Variants in MPPE1 observed in about 807,000 individuals in gnomAD.
MPPE1 encodes the protein metallo phosphoesterase.
In MPPE1, 28 loss-of-function variants were observed where a neutral mutation model predicts 43.8. The observed-to-expected ratio is 0.64, with a 90% CI of 0.47 to 0.88. The LOEUF (loss-of-function observed/expected upper bound fraction) is 0.88. MPPE1 is among the 40% of genes least tolerant of loss of function. The pLI is 0.00. For synonymous variants in MPPE1, 159 were observed against 188.5 expected, an observed-to-expected ratio of 0.84 and a Z score of 1.28; for missense variants, 428 against 492.2, an observed-to-expected ratio of 0.87 and a Z score of 1.23.
chr18:11,890,499 AG>A (rs557319388), intron 4 of MPPE1, among the ~76,000 whole-genome samples: 415 of 151,992 alleles, frequency 2.7e-3, no homozygotes, highest in African/African-American at 9.4e-3. Context: ...TAGTAGACAC[AG>A]GGTTTCGCCA....
In MPPE1 at chr18:11,882,778, A is replaced by ACAT. The variant is rs1341451214; in HGVS notation, c.*1664_*1666dup. 1.3e-5 allele frequency: 2 copies of ACAT among 152,142 alleles called. No individual in the cohort carries two copies. The highest frequency in any genetic ancestry group is 4.8e-5 in the African/African-American group (2 of 41,420). The allele number at this position is 152,142 out of a possible 1,614,324, so 9.4% of individuals were successfully genotyped here. A position where few individuals can be genotyped will look rare whatever the true frequency, so the allele number is the denominator to read the frequency against. On this transcript the variant is annotated 3_prime_UTR_variant, in exon 11 of 11. Coordinates refer to ENST00000588072, the MANE Select transcript of MPPE1 (RefSeq NM_023075.6). The stretch of plus-strand genomic sequence containing the variant: ...GCTTCACTTGCCTTTTGAAGAAGAA[A>ACAT]CATTACAAAACCTTAATCTGAAGTA...
intron 3 of MPPE1, among the ~76,000 whole-genome samples, chr18:11,895,894 C>T (rs2038541544): frequency 6.6e-6 from 1 of 151,368 alleles, no homozygotes; most frequent in Non-Finnish European, 1.5e-5. Flanking sequence ...ATGTTATTCA[C>T]CATGGGAAGT....
chr18:11,894,797 T>TCTC (rs2038415753), intron 3 of MPPE1, among the ~76,000 whole-genome samples: 1 of 151,712 alleles, frequency 6.6e-6, no homozygotes, highest in Non-Finnish European at 1.5e-5. Context: ...TCCATGTTGG[T>TCTC]CAGGCTGGTC....
intron 1 of MPPE1, 112 bp from the exon 2 acceptor site, chr18:11,906,421 A>C (rs1277521038): frequency 6.6e-6 from 1 of 152,250 alleles, no homozygotes; most frequent in Non-Finnish European, 1.5e-5. Context: ...GAGAAGCTAA[A>C]GAAACAAGAC....
At position 11,882,862 on chromosome 18, in the gene MPPE1, A is replaced by ACAT. The variant is rs1256410392; in HGVS notation, c.*1580_*1582dup. ...GCAAGACTTACAAATACAGCCTCAA[A>ACAT]CATTATGACACACCAACAATATCTA... is the stretch of plus-strand genomic sequence containing the variant. On this transcript the variant is annotated 3_prime_UTR_variant, in exon 11 of 11. Transcript: ENST00000588072. 1 of 152,204 alleles carries ACAT rather than the reference A, an allele frequency of 6.6e-6. No homozygotes were observed. Among genetic ancestry groups the ACAT allele is most frequent in the Non-Finnish European group, 1.5e-5 (1 of 68,038 alleles). The allele number at this position is 152,204 out of a possible 1,614,324, so 9.4% of individuals were successfully genotyped here.
intron 3 of MPPE1, among the ~76,000 whole-genome samples, chr18:11,893,912 A>C (rs2038282551): frequency 6.6e-6 from 1 of 152,224 alleles, no homozygotes; most frequent in South Asian, 2.1e-4. Context: ...AAAGATGCTC[A>C]ATGTAGACTG....
At chr18:11,907,178 A>G (rs531608166) in intron 1 of MPPE1, among the ~76,000 whole-genome samples, 2 of 152,322 alleles carry the variant, frequency 1.3e-5, no homozygotes, top group Admixed American at 6.5e-5. Flanking sequence ...CTTCATCTGC[A>G]TGATAAAACT....
rs1429936586 is a variant in MPPE1 at position 11,884,731 on chromosome 18, G to C, written c.1009-104C>G. ...AGACTGCCTTCTCAGGTCCCCCTCAGGTGAGGCAGGGAACGGGCCCTCCTC... is the reference window on the plus strand; with the variant it reads ...AGACTGCCTTCTCAGGTCCCCCTCACGTGAGGCAGGGAACGGGCCCTCCTC... On this transcript the variant is annotated intron_variant, in intron 10 of 10. Coordinates refer to ENST00000588072, the MANE Select transcript of MPPE1 (RefSeq NM_023075.6). 2.2e-6 allele frequency: 3 copies of C among 1,370,378 alleles called. No homozygotes were observed. The Admixed American group carries it at 6.4e-5, about 29-fold the overall frequency. The allele number at this position is 1,370,378 out of a possible 1,614,324, so 84.9% of individuals were successfully genotyped here. A position where few individuals can be genotyped will look rare whatever the true frequency, so the allele number is the denominator to read the frequency against.
Position 11,888,655 on chromosome 18 carries a change from C to G in MPPE1, c.569+14G>C. 1 of 1,549,382 alleles carries G rather than the reference C, an allele frequency of 6.5e-7. No individual in the cohort carries two copies. The highest frequency in any genetic ancestry group is 8.8e-7 in the Non-Finnish European group (1 of 1,134,506). ...GGACTAAAGGTCTTGGAAGAATTTA[C>G]AAATAATACTCACTTAATGCCTTTC... is the stretch of plus-strand genomic sequence containing the variant. On this transcript the variant is annotated intron_variant, in intron 6 of 10. Transcript: ENST00000588072.
intron 1 of MPPE1, among the ~76,000 whole-genome samples, chr18:11,907,153 T>TCC (rs2039800113): frequency 2.0e-5 from 3 of 152,182 alleles, no homozygotes; most frequent in Admixed American, 2.0e-4. Context: ...GCTGGACACT[T>TCC]AACTTACCTG....
At chr18:11,884,821 G>A in intron 10 of MPPE1, 194 bp from the exon 11 acceptor site, 1 of 1,396,096 alleles carries the variant, frequency 7.2e-7, no homozygotes, top group South Asian at 1.5e-5. Context: ...CCAGGCTCCA[G>A]CAGGAGAGAC....
At position 11,904,327 on chromosome 18, in the gene MPPE1, T is replaced by A. The variant is rs78433558; in HGVS notation, c.-93+1876A>T. On this transcript the variant is annotated intron_variant, in intron 2 of 10. Transcript: ENST00000588072. Reference sequence around the variant, plus strand: ...ATCTTTTTTATTTATTTATTTATTTTTTTTTGAGACAAGGTCTCGCCCTGT... The same window carrying A: ...ATCTTTTTTATTTATTTATTTATTTATTTTTGAGACAAGGTCTCGCCCTGT... 4.7e-4 allele frequency among the ~76,000 whole-genome samples: 71 copies of A among 152,054 alleles called. No homozygotes were observed. In the East Asian group the frequency reaches 7.0e-3, roughly 15 times the overall value.
chr18:11,906,915 T>C (rs1317913397), intron 1 of MPPE1, among the ~76,000 whole-genome samples: 1 of 152,138 alleles, frequency 6.6e-6, no homozygotes, highest in African/African-American at 2.4e-5. Flanking sequence ...TATTTATTTA[T>C]TTTTAGAGAT....
intron 2 of MPPE1, among the ~76,000 whole-genome samples, chr18:11,900,690 G>A (rs1384269351): frequency 3.3e-5 from 5 of 151,866 alleles, no homozygotes; most frequent in South Asian, 2.1e-4. Context: ...GGCAGATCAC[G>A]AGGTCAGGAG....
At chr18:11,890,918 T>G in intron 4 of MPPE1, among the ~76,000 whole-genome samples, 1 of 152,198 alleles carries the variant, frequency 6.6e-6, no homozygotes, top group East Asian at 1.9e-4. Context: ...AAATACTTAT[T>G]GTAAAAAATT....
intron 10 of MPPE1, chr18:11,884,891 GC>G: frequency 7.6e-7 from 1 of 1,314,824 alleles, no homozygotes; most frequent in Non-Finnish European, 9.8e-7. Flanking sequence ...GTCAAAACTG[GC>G]CCCTGGCTCA....
intron 3 of MPPE1, among the ~76,000 whole-genome samples, chr18:11,894,431 C>CAAAAAA (rs66687820): frequency 3.2e-4 from 21 of 65,132 alleles, no homozygotes; most frequent in Admixed American, 8.3e-4. Flanking sequence ...GACTCCATCT[C>CAAAAAA]AAAAAAAAAA....
At chr18:11,902,347 G>A (rs1479838215) in intron 2 of MPPE1, 1 of 152,238 alleles carries the variant, frequency 6.6e-6, no homozygotes, top group African/African-American at 2.4e-5. Context: ...TGGGTTCTCT[G>A]CTGGAGAGCC....
In MPPE1 at chr18:11,884,568, C is replaced by T. The variant is rs200811291; in HGVS notation, c.1068G>A (p.Val356=). The change falls in exon 11 of 11, where the codon GTG becomes GTA. Residue 356 remains valine (V), a synonymous_variant. Coordinates refer to ENST00000588072, the MANE Select transcript of MPPE1 (RefSeq NM_023075.6). ...CCACTCCACAGTAGATGATCAAAAC[C>T]ACATCCTCACGTGGGAGGTAGCACT... ...LSKCYLPRED[V]VLIIYCGVVG... The T allele has an allele frequency of 1.2e-5, 19 of 1,614,006 alleles. No homozygotes were observed. In the East Asian group the frequency reaches 3.8e-4, roughly 32 times the overall value.
Sources: allele counts gnomAD v4.1 joint callset (sites outside exome capture counted in the v4.1 genomes callset), GRCh38; gene constraint gnomAD v4.1.1; transcripts MANE v1.5; gene names NCBI Gene and HGNC (gene_info 2026-07-23, HGNC 2026-07-21).